The following ANKS1B variants were observed in gnomAD, a reference collection of about 807,000 sequenced individuals.
ANKS1B encodes ankyrin repeat and sterile alpha motif domain containing 1B.
ANKS1B carries 36 observed loss-of-function variants against 148.3 expected under a neutral mutation model. That is an observed-to-expected ratio of 0.24 (90% confidence interval 0.19 to 0.32). The LOEUF is 0.32. ANKS1B is among the 10% of genes least tolerant of loss of function. The pLI is 1.00. For missense variants in ANKS1B, 1,157 were observed against 1,542.6 expected (o/e 0.75, Z 4.19); for synonymous variants, 542 against 560.8 (o/e 0.97, Z 0.47).
At chr12:99,720,025 C>T (rs1228688213) in intron 8 of ANKS1B, among the ~76,000 whole-genome samples, 2 of 152,220 alleles carry the variant, frequency 1.3e-5, no homozygotes, top group Admixed American at 1.3e-4. Context: ...CTTCCAGCCT[C>T]ACAGGCCCAT....
chr12:99,619,952 C>G (rs2098025068), intron 9 of ANKS1B, among the ~76,000 whole-genome samples: 2 of 152,176 alleles, frequency 1.3e-5, no homozygotes, highest in Admixed American at 6.6e-5. Context: ...ACTGTGCACT[C>G]CACACATTCA....
chr12:99,743,503 C>T (rs768991153), intron 8 of ANKS1B, among the ~76,000 whole-genome samples: 2 of 152,052 alleles, frequency 1.3e-5, no homozygotes, highest in Non-Finnish European at 1.5e-5. Flanking sequence ...TACAACATAA[C>T]GTTAATCTTT....
chr12:99,396,953 A>G (rs2094264457), intron 12 of ANKS1B, among the ~76,000 whole-genome samples: 1 of 152,126 alleles, frequency 6.6e-6, no homozygotes, highest in Non-Finnish European at 1.5e-5. Flanking sequence ...CAAATCTGGA[A>G]CTAGTCATTC....
chr12:99,103,929 G>T (rs931309693), intron 15 of ANKS1B, among the ~76,000 whole-genome samples: 4 of 152,144 alleles, frequency 2.6e-5, no homozygotes, highest in African/African-American at 9.7e-5. Flanking sequence ...AGCAATTAGA[G>T]ATATATAAAG....
At chr12:99,806,843 A>G (rs191702640) in intron 3 of ANKS1B, 143 bp from the exon 4 acceptor site, 2 of 883,164 alleles carry the variant, frequency 2.3e-6, no homozygotes, top group Admixed American at 5.9e-5. Flanking sequence ...ATGGAATTTT[A>G]TATTTGATAA....
At chr12:99,913,892 T>G (rs557813606) in intron 1 of ANKS1B, among the ~76,000 whole-genome samples, 3 of 152,012 alleles carry the variant, frequency 2.0e-5, no homozygotes, top group South Asian at 2.1e-4. Context: ...AATAGGCAAA[T>G]TTATTAGTTT....
chr12:99,293,320 G>A (rs542111903), intron 12 of ANKS1B, among the ~76,000 whole-genome samples: 13 of 151,790 alleles, frequency 8.6e-5, no homozygotes, highest in African/African-American at 3.2e-4. Context: ...CTGGACACAG[G>A]GTGGGGAACA....
chr12:99,919,779 TAAA>T (rs61076587), intron 1 of ANKS1B, among the ~76,000 whole-genome samples: 1 of 134,488 alleles, frequency 7.4e-6, no homozygotes, highest in African/African-American at 2.7e-5. Context: ...GCTGCAGAGT[TAAA>T]AAAAAAAAAA....
rs575878756 is a variant in ANKS1B, at chr12:99,179,004, A to C, written c.2420-24609T>G. 1.1e-4 allele frequency among the ~76,000 whole-genome samples: 17 copies of C among 152,372 alleles called. No individual in the cohort carries two copies. The South Asian group carries it at 3.5e-3, about 32-fold the overall frequency. On this transcript the variant is annotated intron_variant, in intron 14 of 26. Transcript: ENST00000683438. Reference sequence around the variant, plus strand: ...ACCAAATATAGAGACAATGTAGAAAAAAAGGTTAGCAGTAATAAAATAAAC... The same window carrying C: ...ACCAAATATAGAGACAATGTAGAAACAAAGGTTAGCAGTAATAAAATAAAC...
intron 17 of ANKS1B, among the ~76,000 whole-genome samples, chr12:99,033,129 TA>T (rs1384558250): frequency 1.3e-5 from 2 of 152,192 alleles, no homozygotes; most frequent in South Asian, 4.1e-4. Flanking sequence ...GGTGAACCTT[TA>T]AAAATGCATG....
chr12:99,483,102 C>A lies in ANKS1B; in HGVS notation c.1438+21374G>T, dbSNP rs116076479. 6.8e-3 allele frequency among the ~76,000 whole-genome samples: 999 copies of A among 147,612 alleles called. 8 individuals are homozygous for A. The highest frequency in any genetic ancestry group is 0.024 in the African/African-American group (959 of 40,046). On this transcript the variant is annotated intron_variant, in intron 10 of 26. Transcript: ENST00000683438. ...TTCTCGGTGGGGGGAATGCTTTCAA[C>A]TTTTTCCCATTCCATATGATGTTGG...
chr12:98,819,240 GAGGCGT>G (rs2099165542), intron 19 of ANKS1B, among the ~76,000 whole-genome samples: 1 of 152,220 alleles, frequency 6.6e-6, no homozygotes, highest in Non-Finnish European at 1.5e-5. Context: ...GCTGAGAAAG[GAGGCGT>G]AGCTATTGAT....
rs759625732 is a variant in ANKS1B, at chr12:99,059,788, C to CATATATATATATAT, written c.2626-6493_2626-6480dup. 3.4e-3 allele frequency among the ~76,000 whole-genome samples: 311 copies of CATATATATATATAT among 90,300 alleles called. 6 individuals carry two copies. Among genetic ancestry groups the CATATATATATATAT allele is most frequent in the Admixed American group, 5.8e-3 (41 of 7,108 alleles). 59.2% of individuals were successfully genotyped at this position (90,300 alleles called of 152,430 possible). On this transcript the variant is annotated intron_variant, in intron 16 of 26. Transcript: ENST00000683438. ...TAAGCCCAAAGACAAAACTAAAATT[C>CATATATATATATAT]ATATATATATATATATATGATAGGA...
intron 1 of ANKS1B, among the ~76,000 whole-genome samples, chr12:99,954,801 TC>T (rs2095289728): frequency 6.6e-6 from 1 of 151,728 alleles, no homozygotes; most frequent in African/African-American, 2.4e-5. Flanking sequence ...CCCCACCCCG[TC>T]CCCAACAAAA....
At chr12:99,151,841 G>T (rs1233018721) in intron 15 of ANKS1B, among the ~76,000 whole-genome samples, 2 of 152,162 alleles carry the variant, frequency 1.3e-5, no homozygotes, top group Non-Finnish European at 2.9e-5. Context: ...GATGCACTAT[G>T]ATGTTTCAAC....
chr12:99,451,881 G>A (rs1207260299), intron 10 of ANKS1B, among the ~76,000 whole-genome samples: 1 of 151,872 alleles, frequency 6.6e-6, no homozygotes. Flanking sequence ...ATTATTATCA[G>A]ATATATGAAT....
intron 17 of ANKS1B, among the ~76,000 whole-genome samples, chr12:98,989,517 T>C (rs1371163387): frequency 6.6e-6 from 1 of 152,216 alleles, no homozygotes; most frequent in Non-Finnish European, 1.5e-5. Context: ...TGTTATTTTG[T>C]AGTATATTTT....
chr12:98,848,743 G>T lies in ANKS1B; in HGVS notation c.2779-16607C>A, dbSNP rs867046792. On this transcript the variant is annotated intron_variant, in intron 17 of 26. Transcript: ENST00000683438. ...CTGGATTAATTTCTGTGTATGTGTG[G>T]TTTTTTTTTTTTTGAGACGGAGTCT... 7.7e-4 allele frequency among the ~76,000 whole-genome samples: 37 copies of T among 48,066 alleles called. 4 individuals carry two copies. The highest frequency in any genetic ancestry group is 2.9e-3 in the South Asian group (3 of 1,022). The allele number at this position is 48,066 out of a possible 152,430, so 31.5% of individuals were successfully genotyped here. A position where few individuals can be genotyped will look rare whatever the true frequency, so the allele number is the denominator to read the frequency against.
chr12:99,054,526 T>A (rs1421712195), intron 16 of ANKS1B, among the ~76,000 whole-genome samples: 4 of 152,196 alleles, frequency 2.6e-5, no homozygotes, highest in Non-Finnish European at 4.4e-5. Flanking sequence ...TTTCAAAGTT[T>A]AAATGTTCTC....
Sources: allele counts gnomAD v4.1 joint callset (sites outside exome capture counted in the v4.1 genomes callset), GRCh38; gene constraint gnomAD v4.1.1; transcripts MANE v1.5; gene names NCBI Gene and HGNC (gene_info 2026-07-23, HGNC 2026-07-21).